Variants in VPS36 observed in about 807,000 individuals in gnomAD.
VPS36 encodes vacuolar protein sorting 36 homolog.
VPS36 carries 31 observed loss-of-function variants against 63.5 expected under a neutral mutation model. The observed-to-expected ratio is 0.49, with a 90% CI of 0.37 to 0.66. VPS36 has a LOEUF of 0.66. VPS36 is among the 30% of genes least tolerant of loss of function. The pLI is 0.00. For synonymous variants in VPS36, 138 were observed against 157.2 expected (o/e 0.88, Z 0.91); for missense variants, 338 against 463.7 (o/e 0.73, Z 2.49).
intron 1 of VPS36, 80 bp downstream of exon 1, chr13:52,450,419 C>A: frequency 1.4e-6 from 2 of 1,433,640 alleles, no homozygotes; most frequent in Non-Finnish European, 1.8e-6. Context: ...CCGCGCCGAC[C>A]CGGGCCGCGC....
chr13:52,424,488 A>G (rs1958076608), intron 9 of VPS36, among the ~76,000 whole-genome samples: 2 of 152,232 alleles, frequency 1.3e-5, no homozygotes, highest in African/African-American at 4.8e-5. Flanking sequence ...TATAAATACC[A>G]GTTTATAGGA....
At position 52,416,074 on chromosome 13, in the gene VPS36, A is replaced by G; in HGVS notation, c.1010T>C (p.Leu337Pro). 1 of 1,613,336 alleles carries G rather than the reference A, an allele frequency of 6.2e-7. No homozygotes were observed. The highest frequency in any genetic ancestry group is 8.5e-7 in the Non-Finnish European group (1 of 1,179,766). The change falls in exon 13 of 14, where the codon CTA (leucine) becomes CCA (proline). Residue 337 changes from leucine to proline, a missense_variant. By Grantham distance (98) the Leu-to-Pro change is moderately conservative. Coordinates refer to ENST00000378060, the MANE Select transcript of VPS36 (RefSeq NM_016075.4). Reference sequence around the variant, plus strand: ...AAGCTTAGCAAACTCTTCTGATGTTAGGGATCCCTTTTCTGAAACCTAATA... The same window carrying G: ...AAGCTTAGCAAACTCTTCTGATGTTGGGGATCCCTTTTCTGAAACCTAATA... ...ALETVSEKGS[L>P]TSEEFAKLVG...
chr13:52,447,361 A>G (rs955834995), intron 1 of VPS36, among the ~76,000 whole-genome samples: 1 of 152,224 alleles, frequency 6.6e-6, no homozygotes, highest in Non-Finnish European at 1.5e-5. Flanking sequence ...TAGCTGAAAA[A>G]GAATAAACAA....
At chr13:52,416,221 C>A in intron 12 of VPS36, 128 bp from the exon 13 acceptor site, 1 of 897,342 alleles carries the variant, frequency 1.1e-6, no homozygotes, top group Non-Finnish European at 1.7e-6. Context: ...GAATGTCCTA[C>A]TAAAATCCAA....
chr13:52,420,993 C>T (rs564726665), intron 10 of VPS36, among the ~76,000 whole-genome samples: 9 of 152,144 alleles, frequency 5.9e-5, no homozygotes, highest in South Asian at 2.1e-4. Context: ...TGGTGGCACA[C>T]GGCTGTAATC....
Position 52,434,963 on chromosome 13 carries a change from CTTTTTTTCTTTT to C in VPS36, c.352-93_352-82del, listed in dbSNP as rs1958199199. 1.9e-5 allele frequency: 20 copies of C among 1,050,614 alleles called. No individual in the cohort carries two copies. In the South Asian group the frequency reaches 1.9e-4, roughly 10 times the overall value. 65.1% of individuals were successfully genotyped at this position (1,050,614 alleles called of 1,614,324 possible). On this transcript the variant is annotated intron_variant, in intron 4 of 13. Coordinates refer to ENST00000378060, the MANE Select transcript of VPS36 (RefSeq NM_016075.4). ...ATAAATCATTACTTAACATTTCTTT[CTTTTTTTCTTTT>C]TTTTTTTTTTTTTGAGGTGGAGTTT...
intron 6 of VPS36, chr13:52,429,120 G>A (rs191268960): frequency 4.1e-6 from 1 of 242,202 alleles, no homozygotes; most frequent in African/African-American, 2.3e-5. Context: ...ATGGAACCTT[G>A]TATCCCTCTA....
intron 7 of VPS36, 22 bp from the exon 8 acceptor site, chr13:52,427,088 C>T: frequency 6.2e-7 from 1 of 1,604,734 alleles, no homozygotes. Flanking sequence ...AAAGTAAAGA[C>T]TGAAAAGCAC....
At chr13:52,443,456 C>G (rs147301701) in intron 1 of VPS36, among the ~76,000 whole-genome samples, 265 of 152,234 alleles carry the variant, frequency 1.7e-3, no homozygotes, top group Non-Finnish European at 3.0e-3. Flanking sequence ...AGGAGGGCTT[C>G]CTCTCCATGA....
At chr13:52,444,943 T>C (rs976416096) in intron 1 of VPS36, among the ~76,000 whole-genome samples, 10 of 152,226 alleles carry the variant, frequency 6.6e-5, no homozygotes, top group African/African-American at 2.4e-4. Context: ...AAAAAGTCCT[T>C]GCATAATAAA....
chr13:52,418,877 A>G (rs1373871893), intron 10 of VPS36, among the ~76,000 whole-genome samples: 2 of 152,208 alleles, frequency 1.3e-5, no homozygotes, highest in Admixed American at 1.3e-4. Flanking sequence ...GATGACAAGC[A>G]CAGCTTTCAG....
At chr13:52,417,464 G>A (rs906699354) in intron 11 of VPS36, among the ~76,000 whole-genome samples, 1 of 152,142 alleles carries the variant, frequency 6.6e-6, no homozygotes, top group East Asian at 1.9e-4. Context: ...GGGTTCAAGC[G>A]ATTCTCCTGC....
chr13:52,439,169 C>T lies in VPS36; in HGVS notation c.166-1G>A. The T allele has an allele frequency of 6.2e-7, 1 of 1,613,064 alleles. No homozygotes were observed. Among genetic ancestry groups the T allele is most frequent in the Non-Finnish European group, 8.5e-7 (1 of 1,179,512 alleles). On this transcript the variant is annotated splice_acceptor_variant, in intron 2 of 13. Coordinates refer to ENST00000378060, the MANE Select transcript of VPS36 (RefSeq NM_016075.4). LOFTEE classifies it high-confidence loss of function. ...AAAGGAGAATGGCCATGCAACACTC[C>T]TAGGAGGAAATCAATAGCTTAAATG...
rs554283881 is a variant in VPS36, at chr13:52,415,047, A to C, written c.*783T>G. 6.6e-6 allele frequency: 1 copy of C among 152,340 alleles called. No individual in the cohort carries two copies. Among genetic ancestry groups the C allele is most frequent in the East Asian group, 1.9e-4 (1 of 5,184 alleles). 9.4% of individuals were successfully genotyped at this position (152,340 alleles called of 1,614,324 possible). ...TTTCCTGTCTGTGGCTTTGAGGTAAAAGAACACTAAGGTTCCTGTGAAGTT... is the reference window on the plus strand; with the variant it reads ...TTTCCTGTCTGTGGCTTTGAGGTAACAGAACACTAAGGTTCCTGTGAAGTT... On this transcript the variant is annotated 3_prime_UTR_variant, in exon 14 of 14. Coordinates refer to ENST00000378060, the MANE Select transcript of VPS36 (RefSeq NM_016075.4).
intron 2 of VPS36, among the ~76,000 whole-genome samples, chr13:52,441,754 A>C (rs900475408): frequency 6.7e-6 from 1 of 150,194 alleles, no homozygotes; most frequent in Non-Finnish European, 1.5e-5. Context: ...TCCATCTCAA[A>C]AAAAAGGGGG....
chr13:52,426,156 G>A, intron 8 of VPS36, 90 bp from the exon 9 acceptor site: 1 of 1,487,764 alleles, frequency 6.7e-7, no homozygotes, highest in Non-Finnish European at 9.2e-7. Flanking sequence ...ACTCAATTAT[G>A]TCTACATATC....
At chr13:52,418,573 CAA>C (rs1201650906) in intron 10 of VPS36, among the ~76,000 whole-genome samples, 2,947 of 29,916 alleles carry the variant, frequency 0.099, 7 homozygotes, top group South Asian at 0.16. Context: ...GACTCCATCT[CAA>C]AAAAAAAAAA....
intron 12 of VPS36, among the ~76,000 whole-genome samples, chr13:52,416,590 A>G (rs1957994969): frequency 6.6e-6 from 1 of 152,248 alleles, no homozygotes; most frequent in African/African-American, 2.4e-5. Context: ...TACTATTTCA[A>G]GCATCCTAAT....
chr13:52,448,660 A>G (rs1200505122), intron 1 of VPS36, among the ~76,000 whole-genome samples: 1 of 152,276 alleles, frequency 6.6e-6, no homozygotes, highest in Non-Finnish European at 1.5e-5. Flanking sequence ...TGCTGCTTCA[A>G]CAATGTATCT....
Sources: gnomAD v4.1 joint callset for allele counts (sites outside exome capture counted in the v4.1 genomes callset) on GRCh38, gnomAD v4.1.1 for gene constraint, MANE v1.5 for transcripts, NCBI Gene and HGNC (gene_info 2026-07-23, HGNC 2026-07-21) for gene names.